Variants in COL25A1 observed in about 807,000 individuals in gnomAD.
The protein encoded by COL25A1 is collagen type XXV alpha 1 chain.
Under a neutral mutation model 128.4 loss-of-function variants are expected in COL25A1, and 103 were observed. The ratio of observed to expected loss-of-function variants is 0.80; its 90% CI spans 0.68 to 0.94. The LOEUF is 0.94. Ranked by LOEUF, COL25A1 falls within the 40% of genes least tolerant of loss-of-function variation. The pLI is 0.00. For synonymous variants in COL25A1, 279 were observed against 277.2 expected (o/e 1.01, Z -0.06); for missense variants, 745 against 840.0 (o/e 0.89, Z 1.40).
intron 18 of COL25A1, among the ~76,000 whole-genome samples, chr4:108,887,517 G>A (rs1740975680): frequency 6.6e-6 from 1 of 152,068 alleles, no homozygotes; most frequent in Non-Finnish European, 1.5e-5. Flanking sequence ...GTAGAATCTG[G>A]CCTAAATATT....
intron 3 of COL25A1, among the ~76,000 whole-genome samples, chr4:109,059,170 A>T (rs1312575507): frequency 6.6e-6 from 1 of 152,216 alleles, no homozygotes. Flanking sequence ...GCCATCACGC[A>T]CCTTGCACTG....
At chr4:108,983,605 A>G (rs772553214) in intron 6 of COL25A1, among the ~76,000 whole-genome samples, 1 of 152,178 alleles carries the variant, frequency 6.6e-6, no homozygotes, top group Non-Finnish European at 1.5e-5. Flanking sequence ...CCTCGCAGTG[A>G]GTGTTACAGC....
chr4:108,970,049 T>C (rs919370708), intron 8 of COL25A1, among the ~76,000 whole-genome samples: 1 of 151,992 alleles, frequency 6.6e-6, no homozygotes, highest in African/African-American at 2.4e-5. Flanking sequence ...TTACAGGCAC[T>C]CGCCACCACG....
chr4:109,049,623 C>A (rs1054846941), intron 4 of COL25A1, among the ~76,000 whole-genome samples: 1 of 152,154 alleles, frequency 6.6e-6, no homozygotes, highest in Non-Finnish European at 1.5e-5. Flanking sequence ...CATGGTTGTA[C>A]AAGAAGGATA....
intron 3 of COL25A1, among the ~76,000 whole-genome samples, chr4:109,090,655 T>G (rs552868750): frequency 1.3e-5 from 2 of 152,348 alleles, no homozygotes; most frequent in South Asian, 4.1e-4. Context: ...AAACCTTCTT[T>G]ACTACTTAGT....
At chr4:109,111,256 A>T (rs1215456046) in intron 3 of COL25A1, among the ~76,000 whole-genome samples, 1 of 152,184 alleles carries the variant, frequency 6.6e-6, no homozygotes, top group African/African-American at 2.4e-5. Context: ...AACAACTGTG[A>T]AGGCCAGAAT....
At chr4:109,145,319 G>A (rs1012411984) in intron 3 of COL25A1, among the ~76,000 whole-genome samples, 5 of 151,878 alleles carry the variant, frequency 3.3e-5, no homozygotes, top group African/African-American at 7.3e-5. Flanking sequence ...TGCCCGCCTC[G>A]GTCTCCCAAA....
At chr4:108,877,584 T>C (rs1274267309) in intron 19 of COL25A1, among the ~76,000 whole-genome samples, 1 of 152,140 alleles carries the variant, frequency 6.6e-6, no homozygotes, top group Non-Finnish European at 1.5e-5. Context: ...CCTTTGCTAT[T>C]ACTTTTAAAA....
intron 3 of COL25A1, among the ~76,000 whole-genome samples, chr4:109,065,289 G>A (rs965957600): frequency 5.3e-5 from 8 of 152,120 alleles, no homozygotes; most frequent in African/African-American, 1.4e-4. Flanking sequence ...GGAGAGGGAG[G>A]ACTGTTTAGA....
chr4:109,111,181 G>A (rs1766981086), intron 3 of COL25A1, among the ~76,000 whole-genome samples: 1 of 152,140 alleles, frequency 6.6e-6, no homozygotes, highest in South Asian at 2.1e-4. Flanking sequence ...CGCAATGACT[G>A]TTCTTTCTGC....
chr4:109,262,526 A>T (rs1351438404), intron 3 of COL25A1, among the ~76,000 whole-genome samples: 7 of 152,116 alleles, frequency 4.6e-5, no homozygotes, highest in Admixed American at 4.6e-4. Context: ...AAAACAAAAA[A>T]AAAGCTTCCT....
intron 36 of COL25A1, among the ~76,000 whole-genome samples, chr4:108,818,846 A>G (rs1731492530): frequency 6.9e-6 from 1 of 144,980 alleles, no homozygotes; most frequent in African/African-American, 2.5e-5. Flanking sequence ...TATAGCGAAA[A>G]AGGCAGAAAT....
chr4:108,844,615 T>TAA, intron 29 of COL25A1, 46 bp from the exon 30 acceptor site: 1 of 1,586,946 alleles, frequency 6.3e-7, no homozygotes, highest in Non-Finnish European at 8.6e-7. Context: ...TTCATTTAGA[T>TAA]AAGGCAGTTC....
At chr4:109,009,236 C>A (rs1455510694) in intron 6 of COL25A1, among the ~76,000 whole-genome samples, 2 of 152,212 alleles carry the variant, frequency 1.3e-5, no homozygotes, top group African/African-American at 4.8e-5. Context: ...CAAGCTATAA[C>A]TTTCTTCCGT....
chr4:109,281,958 C>T (rs894614383), intron 3 of COL25A1, among the ~76,000 whole-genome samples: 2 of 152,124 alleles, frequency 1.3e-5, no homozygotes, highest in East Asian at 3.9e-4. Context: ...ACAGTGAGTG[C>T]TCTTTCTAAG....
At chr4:108,878,849 A>C (rs182608052) in intron 19 of COL25A1, among the ~76,000 whole-genome samples, 1 of 152,106 alleles carries the variant, frequency 6.6e-6, no homozygotes, top group East Asian at 1.9e-4. Context: ...TCCTAATTTG[A>C]CTCTCCAATT....
At chr4:109,172,294 A>G (rs1029309686) in intron 3 of COL25A1, among the ~76,000 whole-genome samples, 1 of 152,138 alleles carries the variant, frequency 6.6e-6, no homozygotes, top group African/African-American at 2.4e-5. Flanking sequence ...GGAGAAACAG[A>G]TATTTAACCA....
intron 19 of COL25A1, among the ~76,000 whole-genome samples, chr4:108,871,056 G>C (rs954351863): frequency 4.6e-5 from 7 of 152,134 alleles, no homozygotes; most frequent in Admixed American, 6.5e-5. Flanking sequence ...AACCATGCAG[G>C]TGCATAATTC....
chr4:109,054,118 C>T (rs1315970531), intron 3 of COL25A1, among the ~76,000 whole-genome samples: 1 of 152,134 alleles, frequency 6.6e-6, no homozygotes, highest in Non-Finnish European at 1.5e-5. Context: ...CCCACTTTTA[C>T]TTTCTTTATA....
Sources: gnomAD v4.1 joint callset for allele counts (sites outside exome capture counted in the v4.1 genomes callset) on GRCh38, gnomAD v4.1.1 for gene constraint, MANE v1.5 for transcripts, NCBI Gene and HGNC (gene_info 2026-07-23, HGNC 2026-07-21) for gene names.